Variants in PIP5K1C observed in about 807,000 individuals in gnomAD.
PIP5K1C encodes phosphatidylinositol 4-phosphate 5-kinase type-1 gamma.
Under a neutral mutation model 80.1 loss-of-function variants are expected in PIP5K1C, and 45 were observed. The observed-to-expected ratio is 0.56, with a 90% CI of 0.44 to 0.72. PIP5K1C has a LOEUF of 0.72. Among genes scored for constraint, PIP5K1C ranks in the 30% least tolerant of loss-of-function variants. The pLI is 0.00. For synonymous variants in PIP5K1C, 498 were observed against 420.1 expected (o/e 1.19, Z -2.27); for missense variants, 753 against 954.6 (o/e 0.79, Z 2.78).
At chr19:3,686,359 G>T (rs1393397717) in intron 1 of PIP5K1C, among the ~76,000 whole-genome samples, 1 of 151,744 alleles carries the variant, frequency 6.6e-6, no homozygotes, top group Non-Finnish European at 1.5e-5. Flanking sequence ...GGCAGAGCTT[G>T]CAGTGAGCTG....
In PIP5K1C at chr19:3,630,657, G is replaced by C. The variant is rs2033445616; in HGVS notation, c.*2510C>G. The stretch of plus-strand genomic sequence containing the variant: ...CGGGGACGTGTCGGGATGGCGTAGG[G>C]GGACAGAGCCTGGCAGGAGACACAT... On this transcript the variant is annotated 3_prime_UTR_variant, in exon 18 of 18. Coordinates refer to ENST00000335312, the MANE Select transcript of PIP5K1C (RefSeq NM_012398.3). The C allele has an allele frequency of 6.6e-6, 1 of 152,578 alleles. No individual in the cohort carries two copies. Among genetic ancestry groups the C allele is most frequent in the African/African-American group, 2.4e-5 (1 of 41,404 alleles). The allele number at this position is 152,578 out of a possible 1,614,324, so 9.5% of individuals were successfully genotyped here.
chr19:3,692,745 A>G lies in PIP5K1C; in HGVS notation c.94+7552T>C, dbSNP rs8102167. Among the ~76,000 whole-genome samples the G allele has an allele frequency of 6.2e-4, 94 of 150,640 alleles. No individual in the cohort carries two copies. The highest frequency in any genetic ancestry group is 2.3e-3 in the African/African-American group (93 of 40,844). ...ATCCCTCCTCTGCCCGCAGCCCTCC[A>G]TGGCTCCCACCTCCCTTGGGGTCAA... On this transcript the variant is annotated intron_variant, in intron 1 of 17. Coordinates refer to ENST00000335312, the MANE Select transcript of PIP5K1C (RefSeq NM_012398.3). The surrounding 1 kb of genome is among the most constrained non-coding windows in gnomAD (Gnocchi z 5.2).
rs10402336 is a variant in PIP5K1C, at chr19:3,637,382, C to T, written c.1920+1502G>A. 93,179 of 1,535,326 alleles carry T rather than the reference C, an allele frequency of 0.061. 4,901 individuals are homozygous for T. The highest frequency in any genetic ancestry group is 0.23 in the African/African-American group (16,686 of 73,092). ...AGCCCAGCGCCTGGTCCGGGGCCAG[C>T]GTGGCTGACCTCAATTGCAGCCGTG... is the stretch of plus-strand genomic sequence containing the variant. On this transcript the variant is annotated intron_variant, in intron 16 of 17. Transcript: ENST00000335312. The surrounding 1 kb of genome is among the most constrained non-coding windows in gnomAD (Gnocchi z 7.0).
At chr19:3,667,294 A>AG in intron 2 of PIP5K1C, 28 bp downstream of exon 2, 1 of 1,607,650 alleles carries the variant, frequency 6.2e-7, no homozygotes, top group Non-Finnish European at 8.5e-7. Flanking sequence ...TGGGGACCCC[A>AG]GGCCCTTCGT....
At position 3,632,114 on chromosome 19, in the gene PIP5K1C, GTCT is replaced by G. The variant is rs1241485796; in HGVS notation, c.*1050_*1052del. The G allele has an allele frequency of 6.6e-6, 1 of 152,304 alleles. No homozygotes were observed. Among genetic ancestry groups the G allele is most frequent in the African/African-American group, 2.4e-5 (1 of 41,464 alleles). The allele number at this position is 152,304 out of a possible 1,614,324, so 9.4% of individuals were successfully genotyped here. On this transcript the variant is annotated 3_prime_UTR_variant, in exon 18 of 18. Coordinates refer to ENST00000335312, the MANE Select transcript of PIP5K1C (RefSeq NM_012398.3). ...TGGAGGGTGATGAGTCGGAAACAAAGTCTTCTCTCCCCTCCTCGGAGACATCAC... is the reference window on the plus strand; with the variant it reads ...TGGAGGGTGATGAGTCGGAAACAAAGTCTCTCCCCTCCTCGGAGACATCAC...
chr19:3,646,634 C>T (rs777816130), intron 10 of PIP5K1C, among the ~76,000 whole-genome samples: 8 of 152,208 alleles, frequency 5.3e-5, no homozygotes, highest in Non-Finnish European at 1.0e-4. Context: ...TCCTATCTGC[C>T]CTGGGCAGCA....
chr19:3,653,135 G>A (rs186303577), intron 7 of PIP5K1C, among the ~76,000 whole-genome samples, 155 bp downstream of exon 7: 123 of 152,340 alleles, frequency 8.1e-4, no homozygotes, highest in African/African-American at 2.9e-3. Context: ...AAGCTTGAGC[G>A]CTTCTGGATC....
chr19:3,655,679 G>C (rs2034598180), intron 6 of PIP5K1C, among the ~76,000 whole-genome samples: 1 of 152,162 alleles, frequency 6.6e-6, no homozygotes, highest in Admixed American at 6.5e-5. Context: ...CTGATCTAAG[G>C]AGCCCGGGCC....
At chr19:3,680,198 TCATCCATC>T (rs374893774) in intron 1 of PIP5K1C, among the ~76,000 whole-genome samples, 2 of 152,132 alleles carry the variant, frequency 1.3e-5, no homozygotes, top group African/African-American at 2.4e-5. Context: ...GTTCATCCGT[TCATCCATC>T]CATCCATCCA....
Position 3,696,822 on chromosome 19 carries a change from G to A in PIP5K1C, c.94+3475C>T, listed in dbSNP as rs1212725032. 6.6e-6 allele frequency among the ~76,000 whole-genome samples: 1 copy of A among 152,206 alleles called. No individual in the cohort carries two copies. Among genetic ancestry groups the A allele is most frequent in the Non-Finnish European group, 1.5e-5 (1 of 68,036 alleles). On this transcript the variant is annotated intron_variant, in intron 1 of 17. Coordinates refer to ENST00000335312, the MANE Select transcript of PIP5K1C (RefSeq NM_012398.3). This position sits in a 1 kb window ranked among gnomAD's most constrained non-coding sequence, Gnocchi z 4.1. ...AGAGGACTATGTCTTTGACCCCAAG[G>A]GAGGTGGGAGCCATGGAGGGCTGCG...
intron 3 of PIP5K1C, among the ~76,000 whole-genome samples, chr19:3,664,471 C>T (rs528917423): frequency 2.0e-5 from 3 of 152,340 alleles, no homozygotes; most frequent in African/African-American, 7.2e-5. Context: ...AGGCCAGCCT[C>T]AGAGTGTCCC....
intron 15 of PIP5K1C, among the ~76,000 whole-genome samples, chr19:3,640,474 C>A (rs1456564118): frequency 1.3e-5 from 2 of 152,124 alleles, no homozygotes; most frequent in African/African-American, 4.8e-5. Flanking sequence ...CGAAATCGTG[C>A]CACTGCACTC....
At position 3,637,203 on chromosome 19, in the gene PIP5K1C, G is replaced by A. The variant is rs1303260504; in HGVS notation, c.1920+1681C>T. On this transcript the variant is annotated intron_variant, in intron 16 of 17. Coordinates refer to ENST00000335312, the MANE Select transcript of PIP5K1C (RefSeq NM_012398.3). This position sits in a 1 kb window ranked among gnomAD's most constrained non-coding sequence, Gnocchi z 7.0. The stretch of plus-strand genomic sequence containing the variant: ...GCGTCCACCCAAGACACCCTGACAC[G>A]AGAGGGCTGGGTCCAGGGGCAGAGA... 8 of 1,433,156 alleles carry A rather than the reference G, an allele frequency of 5.6e-6. No homozygotes were observed. In the East Asian group the frequency reaches 1.0e-4, roughly 18 times the overall value. 88.8% of individuals were successfully genotyped at this position (1,433,156 alleles called of 1,614,324 possible). A position where few individuals can be genotyped will look rare whatever the true frequency, so the allele number is the denominator to read the frequency against.
chr19:3,678,303 GGGAC>G (rs2035459439), intron 1 of PIP5K1C, among the ~76,000 whole-genome samples: 2 of 130,546 alleles, frequency 1.5e-5, no homozygotes, highest in African/African-American at 2.9e-5. Flanking sequence ...GAGGGATGGA[GGGAC>G]GGAGGGATGG....
At chr19:3,652,244 T>C (rs996808426) in intron 7 of PIP5K1C, among the ~76,000 whole-genome samples, 1 of 152,172 alleles carries the variant, frequency 6.6e-6, no homozygotes, top group South Asian at 2.1e-4. Context: ...GGCCAGAGAA[T>C]GGGGGCTTCC....
intron 14 of PIP5K1C, among the ~76,000 whole-genome samples, 164 bp from the exon 15 acceptor site, chr19:3,641,973 C>T (rs1218468186): frequency 6.6e-6 from 1 of 152,216 alleles, no homozygotes; most frequent in South Asian, 2.1e-4. Flanking sequence ...GACTGTCCAC[C>T]TGGGTCCCTT....
At chr19:3,642,276 A>G (rs1461421671) in intron 14 of PIP5K1C, among the ~76,000 whole-genome samples, 1 of 152,252 alleles carries the variant, frequency 6.6e-6, no homozygotes, top group Non-Finnish European at 1.5e-5. Context: ...TAAGAAAAGC[A>G]ACACCGCGCC....
intron 6 of PIP5K1C, 50 bp from the exon 7 acceptor site, chr19:3,653,639 A>C: frequency 1.4e-4 from 222 of 1,540,528 alleles, no homozygotes; most frequent in Non-Finnish European, 1.8e-4. Flanking sequence ...CCACAGACTC[A>C]CGGGGGCGGG....
rs2036256602 is a variant in PIP5K1C, at chr19:3,700,289, G to A, written c.94+8C>T. On this transcript the variant is annotated splice_region_variant and intron_variant, in intron 1 of 17. Coordinates refer to ENST00000335312, the MANE Select transcript of PIP5K1C (RefSeq NM_012398.3). The stretch of plus-strand genomic sequence containing the variant: ...GCGGGCCGCAGCCCCGGGAGGCCGG[G>A]CCGTTACCTGCCGCCGCCCCGCTCT... 12 of 1,268,702 alleles carry A rather than the reference G, an allele frequency of 9.5e-6. No individual in the cohort carries two copies. In the East Asian group the frequency reaches 5.3e-4, roughly 56 times the overall value. The allele number at this position is 1,268,702 out of a possible 1,614,324, so 78.6% of individuals were successfully genotyped here. A position where few individuals can be genotyped will look rare whatever the true frequency, so the allele number is the denominator to read the frequency against.
Sources: allele counts gnomAD v4.1 joint callset (sites outside exome capture counted in the v4.1 genomes callset), GRCh38; gene constraint gnomAD v4.1.1; non-coding constraint Gnocchi (gnomAD v3.1); transcripts MANE v1.5; gene names NCBI Gene and HGNC (gene_info 2026-07-23, HGNC 2026-07-21).